The following CSGALNACT1 variants were observed in gnomAD, a reference collection of about 807,000 sequenced individuals.
The protein encoded by CSGALNACT1 is beta4GalNAcT-1.
In CSGALNACT1, 52 loss-of-function variants were observed where a neutral mutation model predicts 51.0. The ratio of observed to expected loss-of-function variants is 1.02; its 90% confidence interval spans 0.82 to 1.29. The LOEUF (loss-of-function observed/expected upper bound fraction) is 1.29, where lower values mean the gene tolerates loss of function less well. Among genes scored for constraint, CSGALNACT1 ranks in the 50% most tolerant of loss-of-function variants. The pLI is 0.00. For missense variants in CSGALNACT1, 935 were observed against 679.2 expected, an observed-to-expected ratio of 1.38 and a Z score of -4.19; for synonymous variants, 341 against 254.4, an observed-to-expected ratio of 1.34 and a Z score of -3.24.
chr8:19,442,383 G>C (rs1478117437), intron 5 of CSGALNACT1, among the ~76,000 whole-genome samples: 1 of 152,128 alleles, frequency 6.6e-6, no homozygotes, highest in African/African-American at 2.4e-5. Flanking sequence ...GGAATACTAT[G>C]CAGCCATAAA....
At chr8:19,410,813 G>A (rs2055521766) in intron 8 of CSGALNACT1, among the ~76,000 whole-genome samples, 1 of 152,198 alleles carries the variant, frequency 6.6e-6, no homozygotes, top group South Asian at 2.1e-4. Flanking sequence ...GCCCTTTGTG[G>A]AAACTCATCT....
intron 3 of CSGALNACT1, among the ~76,000 whole-genome samples, chr8:19,512,785 C>A (rs1357450939): frequency 6.6e-6 from 1 of 152,100 alleles, no homozygotes; most frequent in Non-Finnish European, 1.5e-5. Context: ...TATTCTTGAA[C>A]AATGGTCATT....
At chr8:19,422,303 T>A (rs1334003166) in intron 6 of CSGALNACT1, among the ~76,000 whole-genome samples, 1 of 152,112 alleles carries the variant, frequency 6.6e-6, no homozygotes, top group Non-Finnish European at 1.5e-5. Flanking sequence ...AATCCTCTTC[T>A]CTCAGCCAAG....
At chr8:19,592,088 A>C (rs1256557182) in intron 2 of CSGALNACT1, among the ~76,000 whole-genome samples, 2 of 152,222 alleles carry the variant, frequency 1.3e-5, no homozygotes, top group East Asian at 3.9e-4. Context: ...GTGTACTTCA[A>C]AAACATTTTC....
intron 4 of CSGALNACT1, among the ~76,000 whole-genome samples, chr8:19,472,521 C>A (rs1334791119): frequency 6.6e-6 from 1 of 152,200 alleles, no homozygotes; most frequent in Non-Finnish European, 1.5e-5. Context: ...AAGAGGTAAG[C>A]CATTTACTCA....
intron 1 of CSGALNACT1, among the ~76,000 whole-genome samples, chr8:19,635,429 A>G (rs1214805996): frequency 6.6e-6 from 1 of 152,162 alleles, no homozygotes; most frequent in East Asian, 1.9e-4. Context: ...GCTTTGATCT[A>G]GGCCTGTTGC....
intron 1 of CSGALNACT1, among the ~76,000 whole-genome samples, chr8:19,633,445 T>A (rs2055576051): frequency 6.6e-6 from 1 of 152,186 alleles, no homozygotes; most frequent in Admixed American, 6.5e-5. Context: ...CACATCTTAT[T>A]TGAAAATAGG....
Position 19,525,628 on chromosome 8 carries a change from A to C in CSGALNACT1, c.-296-19498T>G, listed in dbSNP as rs1448434830. 4.3e-5 allele frequency among the ~76,000 whole-genome samples: 6 copies of C among 139,718 alleles called. 1 individual carries two copies. Among genetic ancestry groups the C allele is most frequent in the African/African-American group, 1.7e-4 (6 of 35,980 alleles). 91.7% of individuals were successfully genotyped at this position (139,718 alleles called of 152,430 possible). A position where few individuals can be genotyped will look rare whatever the true frequency, so the allele number is the denominator to read the frequency against. On this transcript the variant is annotated intron_variant, in intron 3 of 9. Coordinates refer to ENST00000454498, the Ensembl canonical transcript of CSGALNACT1. ...GGAAACTTGTCCCAAAAAAAAAAAA[A>C]AAAAAAAAAAAAAAAAAAAAAGTAG...
chr8:19,649,499 A>G (rs2057584461), intron 1 of CSGALNACT1, among the ~76,000 whole-genome samples: 1 of 152,114 alleles, frequency 6.6e-6, no homozygotes, highest in Non-Finnish European at 1.5e-5. Flanking sequence ...TATATCATGT[A>G]TTTTTAAAGA....
At chr8:19,470,506 G>T (rs761217757) in intron 4 of CSGALNACT1, among the ~76,000 whole-genome samples, 1 of 152,130 alleles carries the variant, frequency 6.6e-6, no homozygotes, top group Non-Finnish European at 1.5e-5. Flanking sequence ...GAAACAAGAC[G>T]GTGACTCACT....
intron 3 of CSGALNACT1, among the ~76,000 whole-genome samples, chr8:19,547,295 G>T (rs1424356146): frequency 6.6e-6 from 1 of 152,182 alleles, no homozygotes; most frequent in African/African-American, 2.4e-5. Flanking sequence ...GTCCAAGTCT[G>T]ATAACTAACT....
At chr8:19,546,637 A>G (rs2086543605) in intron 3 of CSGALNACT1, among the ~76,000 whole-genome samples, 1 of 152,254 alleles carries the variant, frequency 6.6e-6, no homozygotes, top group Admixed American at 6.5e-5. Flanking sequence ...CAGTATTCTC[A>G]TGAATATTGT....
intron 3 of CSGALNACT1, among the ~76,000 whole-genome samples, chr8:19,568,987 A>C (rs2042453031): frequency 6.6e-6 from 1 of 152,248 alleles, no homozygotes; most frequent in Non-Finnish European, 1.5e-5. Flanking sequence ...AAATACTTCC[A>C]GGAGGAGGTA....
chr8:19,450,491 G>A (rs543419782), intron 5 of CSGALNACT1, among the ~76,000 whole-genome samples: 95 of 152,196 alleles, frequency 6.2e-4, no homozygotes, highest in African/African-American at 2.0e-3. Context: ...TGGGGCATCC[G>A]GGGGAGAAGA....
chr8:19,725,369 G>A (rs1211979399), intron 1 of CSGALNACT1, among the ~76,000 whole-genome samples: 2 of 151,880 alleles, frequency 1.3e-5, no homozygotes, highest in African/African-American at 4.8e-5. Flanking sequence ...GGAACCCAAT[G>A]CATAAAAATA....
intron 3 of CSGALNACT1, among the ~76,000 whole-genome samples, chr8:19,577,814 G>C (rs2044621942): frequency 6.6e-6 from 1 of 152,172 alleles, no homozygotes. Context: ...CTGTAAAACT[G>C]TAAAGTTAGA....
chr8:19,651,587 A>G (rs948011709), intron 1 of CSGALNACT1, among the ~76,000 whole-genome samples: 4 of 152,158 alleles, frequency 2.6e-5, no homozygotes, highest in African/African-American at 9.7e-5. Context: ...GCTGCAAAGG[A>G]TAGGATTTTG....
chr8:19,667,001 AAG>A (rs1491549642), intron 1 of CSGALNACT1, among the ~76,000 whole-genome samples: 1 of 28,634 alleles, frequency 3.5e-5, no homozygotes, highest in African/African-American at 2.2e-4. Flanking sequence ...GAAAGAAAGA[AAG>A]AAAGAAAGAA....
intron 1 of CSGALNACT1, among the ~76,000 whole-genome samples, chr8:19,718,624 A>C (rs2062947243): frequency 6.6e-6 from 1 of 152,104 alleles, no homozygotes; most frequent in South Asian, 2.1e-4. Context: ...ATGAACACTT[A>C]GTCATTTTTT....
Sources: gnomAD v4.1 joint callset for allele counts (sites outside exome capture counted in the v4.1 genomes callset) on GRCh38, gnomAD v4.1.1 for gene constraint, MANE v1.5 for transcripts, NCBI Gene and HGNC (gene_info 2026-07-23, HGNC 2026-07-21) for gene names.